Variants in P3H1 observed in about 807,000 individuals in gnomAD.
P3H1 encodes the protein growth suppressor 1.
In P3H1, 69 loss-of-function variants were observed where a neutral mutation model predicts 84.0. The observed-to-expected ratio is 0.82, with a 90% CI of 0.68 to 1.00. The LOEUF is 1.00. P3H1 is among the 50% of genes least tolerant of loss of function. The pLI is 0.00. For missense variants in P3H1, 878 were observed against 962.8 expected, an observed-to-expected ratio of 0.91 and a Z score of 1.17; for synonymous variants, 366 against 388.8, an observed-to-expected ratio of 0.94 and a Z score of 0.69.
chr1:42,747,558 C>A (rs1651799136), intron 13 of P3H1, 146 bp from the exon 14 acceptor site: 2 of 1,108,490 alleles, frequency 1.8e-6, no homozygotes, highest in Middle Eastern at 2.0e-4. Context: ...GAAAGGGTGA[C>A]TGGTTAGAGG....
intron 1 of P3H1, among the ~76,000 whole-genome samples, chr1:42,765,579 G>A (rs1652943169): frequency 6.6e-6 from 1 of 152,170 alleles, no homozygotes; most frequent in South Asian, 2.1e-4. Flanking sequence ...CAAGTCCAGC[G>A]CTCTTCCGAG....
At chr1:42,749,813 CTG>C (rs1233802463) in intron 11 of P3H1, 1 of 232,270 alleles carries the variant, frequency 4.3e-6, no homozygotes, top group Non-Finnish European at 8.7e-6. Flanking sequence ...CTGTTGAGGG[CTG>C]TCTTTCAACA....
At chr1:42,755,458 C>G in intron 6 of P3H1, 90 bp downstream of exon 6, 1 of 1,231,816 alleles carries the variant, frequency 8.1e-7, no homozygotes, top group Non-Finnish European at 1.2e-6. Context: ...CAAGTTTTCT[C>G]TCAGAATCGC....
At position 42,750,655 on chromosome 1, in the gene P3H1, G is replaced by C. The variant is rs1396580236; in HGVS notation, c.1570-319C>G. Among the ~76,000 whole-genome samples the C allele has an allele frequency of 6.9e-5, 9 of 130,894 alleles. 2 individuals carry two copies. The highest frequency in any genetic ancestry group is 1.4e-4 in the Admixed American group (2 of 13,980). The allele number at this position is 130,894 out of a possible 152,430, so 85.9% of individuals were successfully genotyped here. ...ACCCCGTCCGGGAGGGAGGCCGGGG[G>C]GGGTGGTCGGCCAGCCGCCCCGTCC... On this transcript the variant is annotated intron_variant, in intron 10 of 14. Coordinates refer to ENST00000296388, the MANE Select transcript of P3H1 (RefSeq NM_022356.4).
At chr1:42,756,452 C>T (rs1652409138) in intron 5 of P3H1, 1 of 154,148 alleles carries the variant, frequency 6.5e-6, no homozygotes, top group African/African-American at 2.4e-5. Flanking sequence ...CCCTAGGTGC[C>T]CTGCTAATCT....
In P3H1 at chr1:42,754,358, G is replaced by A. The variant is rs866623520; in HGVS notation, c.1345+511C>T. ...CAGCTTGCAGAAAACGGGCACAGGA[G>A]GAAGAGGAGCCAAAGGAGGCCTGAA... On this transcript the variant is annotated intron_variant, in intron 8 of 14. Coordinates refer to ENST00000296388, the MANE Select transcript of P3H1 (RefSeq NM_022356.4). This position sits in a 1 kb window ranked among gnomAD's most constrained non-coding sequence, Gnocchi z 4.0. Among the ~76,000 whole-genome samples the A allele has an allele frequency of 6.6e-6, 1 of 152,288 alleles. No homozygotes were observed. Among genetic ancestry groups the A allele is most frequent in the East Asian group, 1.9e-4 (1 of 5,180 alleles).
At chr1:42,752,418 T>C in intron 9 of P3H1, 49 bp from the exon 10 acceptor site, 1 of 1,610,510 alleles carries the variant, frequency 6.2e-7, no homozygotes. Flanking sequence ...AGCTGAGGGC[T>C]TGAGAAGAGG....
intron 7 of P3H1, 58 bp from the exon 8 acceptor site, chr1:42,755,048 G>C: frequency 1.9e-6 from 3 of 1,613,854 alleles, no homozygotes; most frequent in South Asian, 2.2e-5. Context: ...GCTCCACCCC[G>C]ACTTCCCAAA....
intron 1 of P3H1, among the ~76,000 whole-genome samples, chr1:42,764,341 G>A (rs1652879087): frequency 6.8e-6 from 1 of 147,202 alleles, no homozygotes. Context: ...GGAGTCACTT[G>A]AACCAGAAAA....
intron 6 of P3H1, 152 bp from the exon 7 acceptor site, chr1:42,755,369 T>C: frequency 1.1e-6 from 1 of 951,824 alleles, no homozygotes; most frequent in South Asian, 1.4e-5. Context: ...TCTAAGTCCC[T>C]TCTAGCTGCC....
At chr1:42,756,592 G>C (rs1652416400) in intron 5 of P3H1, 1 of 154,400 alleles carries the variant, frequency 6.5e-6, no homozygotes, top group Non-Finnish European at 1.5e-5. Flanking sequence ...AAGAGGAAGA[G>C]AGACGTTTTC....
intron 10 of P3H1, among the ~76,000 whole-genome samples, chr1:42,751,103 G>A (rs375932254): frequency 1.5e-5 from 2 of 137,082 alleles, no homozygotes; most frequent in Admixed American, 7.2e-5. Flanking sequence ...CCATGATGAC[G>A]ATGGCGGTTT....
In P3H1 at chr1:42,747,320, G is replaced by T; in HGVS notation, c.2007C>A (p.Arg669=). The part of the protein sequence containing the change: ...HGVKAVTRGQ[R]CAIALWFTLD... ...GGGTGAACCACAGGGCGATGGCACA[G>T]CGCTGCCCCCTGGTGACAGCCTTCA... The change falls in exon 14 of 15, where the codon CGC becomes CGA. Residue 669 remains arginine (R), a synonymous_variant. Transcript: ENST00000296388. 1 of 1,611,758 alleles carries T rather than the reference G, an allele frequency of 6.2e-7. No individual in the cohort carries two copies. Among genetic ancestry groups the T allele is most frequent in the South Asian group, 1.1e-5 (1 of 91,046 alleles).
chr1:42,749,879 G>A (rs1316846471), intron 11 of P3H1: 1 of 409,850 alleles, frequency 2.4e-6, no homozygotes, highest in South Asian at 2.5e-5. Flanking sequence ...CCGGAGGCAG[G>A]TCCTCTATGA....
chr1:42,752,249 C>T (rs372189337), intron 10 of P3H1, 25 bp downstream of exon 10: 3 of 1,583,170 alleles, frequency 1.9e-6, no homozygotes, highest in Non-Finnish European at 2.6e-6. Context: ...TCTCCACACT[C>T]TAGAATGCCC....
At chr1:42,755,333 A>C in intron 6 of P3H1, 116 bp from the exon 7 acceptor site, 1 of 1,110,206 alleles carries the variant, frequency 9.0e-7, no homozygotes, top group South Asian at 1.3e-5. Flanking sequence ...TCTTCCTTTC[A>C]GGAGACAAAA....
At position 42,748,180 on chromosome 1, in the gene P3H1, T is replaced by C. The variant is rs1651837776; in HGVS notation, c.1838+20A>G. The C allele has an allele frequency of 1.3e-6, 2 of 1,586,940 alleles. No homozygotes were observed. The highest frequency in any genetic ancestry group is 2.2e-5 in the East Asian group (1 of 44,690). ...GAGGAGGGCACAGACCTCCTCACCC[T>C]GCACCTGCCCCGCACTCACCTGTAG... On this transcript the variant is annotated intron_variant, in intron 12 of 14. Coordinates refer to ENST00000296388, the MANE Select transcript of P3H1 (RefSeq NM_022356.4).
chr1:42,747,430 G>A lies in P3H1; in HGVS notation c.1915-18C>T, dbSNP rs757432937. On this transcript the variant is annotated intron_variant, in intron 13 of 14. Transcript: ENST00000296388. ...ACCTCTGCCTAAGGGGGACAGAAAG[G>A]GAGGGGGGTTGCACAGGACAAAGAC... is the stretch of plus-strand genomic sequence containing the variant. 2.1e-4 allele frequency: 338 copies of A among 1,606,464 alleles called. No homozygotes were observed. The highest frequency in any genetic ancestry group is 2.8e-4 in the Non-Finnish European group (335 of 1,175,658).
chr1:42,760,264 A>T (rs1023082512), intron 2 of P3H1: 1 of 150,688 alleles, frequency 6.6e-6, no homozygotes, highest in Admixed American at 6.6e-5. Flanking sequence ...GATTACAGGC[A>T]TGAGCCACCG....
Sources: allele counts gnomAD v4.1 joint callset (sites outside exome capture counted in the v4.1 genomes callset), GRCh38; gene constraint gnomAD v4.1.1; non-coding constraint Gnocchi (gnomAD v3.1); transcripts MANE v1.5; gene names NCBI Gene and HGNC (gene_info 2026-07-23, HGNC 2026-07-21).